EGFLAM: variants seen among roughly 807,000 people sequenced by gnomAD.
EGFLAM encodes pikachurin.
EGFLAM carries 79 observed loss-of-function variants against 113.1 expected under a neutral mutation model. The observed-to-expected ratio is 0.70, with a 90% CI of 0.58 to 0.84. EGFLAM has a LOEUF of 0.84. Ranked by LOEUF, EGFLAM falls within the 40% of genes least tolerant of loss-of-function variation. The pLI, the probability that EGFLAM is intolerant of heterozygous loss-of-function variation, is 0.00. For missense variants in EGFLAM, 1,265 were observed against 1,291.6 expected, an observed-to-expected ratio of 0.98 and a Z score of 0.32; for synonymous variants, 504 against 487.6, an observed-to-expected ratio of 1.03 and a Z score of -0.44.
chr5:38,363,492 T>C (rs1241988312), intron 5 of EGFLAM, among the ~76,000 whole-genome samples: 1 of 152,232 alleles, frequency 6.6e-6, no homozygotes, highest in Non-Finnish European at 1.5e-5. Flanking sequence ...TTAACAATTC[T>C]TGTGACCCTG....
At chr5:38,400,627 G>A (rs2112109847) in intron 6 of EGFLAM, among the ~76,000 whole-genome samples, 1 of 152,296 alleles carries the variant, frequency 6.6e-6, no homozygotes, top group East Asian at 1.9e-4. Flanking sequence ...TGAGGCTTTA[G>A]TTCCAGGTTT....
intron 1 of EGFLAM, among the ~76,000 whole-genome samples, chr5:38,325,810 G>A (rs1177246255): frequency 6.6e-6 from 1 of 151,976 alleles, no homozygotes; most frequent in Non-Finnish European, 1.5e-5. Flanking sequence ...CAGAATGGTT[G>A]TTATCTCTGG....
intron 8 of EGFLAM, 44 bp downstream of exon 8, chr5:38,407,190 C>T (rs1451012466): frequency 1.3e-6 from 2 of 1,591,828 alleles, no homozygotes; most frequent in East Asian, 4.5e-5. Context: ...GAATTGGCAC[C>T]ATTGACAGCC....
rs73075486 is a variant in EGFLAM at position 38,438,476 on chromosome 5, C to G, written c.2464+21C>G. On this transcript the variant is annotated intron_variant, in intron 17 of 21. Coordinates refer to ENST00000322350, the MANE Select transcript of EGFLAM (RefSeq NM_152403.4). ...GAAAGGTACGCTCAGGGGTCTGAGG[C>G]ACAGCTCCCTGGAGGGAGTGGAAGG... 1.4e-3 allele frequency: 2,251 copies of G among 1,573,136 alleles called. 31 individuals are homozygous for G. In the African/African-American group the frequency reaches 0.027, roughly 19 times the overall value.
intron 1 of EGFLAM, among the ~76,000 whole-genome samples, chr5:38,329,445 G>C (rs555037658): frequency 6.6e-6 from 1 of 151,982 alleles, no homozygotes; most frequent in African/African-American, 2.4e-5. Context: ...TGTCTGACTG[G>C]GCCACCTCTC....
chr5:38,274,271 G>T (rs930125360), intron 1 of EGFLAM, among the ~76,000 whole-genome samples: 47 of 152,136 alleles, frequency 3.1e-4, no homozygotes, highest in African/African-American at 1.1e-3. Flanking sequence ...AAACAAAGGG[G>T]TAGAAAGCTT....
At position 38,330,279 on chromosome 5, in the gene EGFLAM, C is replaced by T. The variant is rs183716221; in HGVS notation, c.98-7241C>T. Among the ~76,000 whole-genome samples the T allele has an allele frequency of 1.3e-4, 20 of 152,170 alleles. No homozygotes were observed. In the East Asian group the frequency reaches 1.4e-3, roughly 10 times the overall value. ...TATACTCTTGAGAGACAGGGAAGGC[C>T]GGAGTGAGGTGGAGGCCATTTTCCT... On this transcript the variant is annotated intron_variant, in intron 1 of 21. Transcript: ENST00000322350.
chr5:38,270,033 G>A (rs12653966), intron 1 of EGFLAM, among the ~76,000 whole-genome samples: 9 of 152,176 alleles, frequency 5.9e-5, no homozygotes, highest in South Asian at 2.1e-4. Flanking sequence ...GAGGGACCTA[G>A]TCAAGAAGAC....
In EGFLAM at chr5:38,435,181, C is replaced by T. The variant is rs1163773501; in HGVS notation, c.2211C>T (p.Gly737=). 37 of 1,614,072 alleles carry T rather than the reference C, an allele frequency of 2.3e-5. No individual in the cohort carries two copies. The highest frequency in any genetic ancestry group is 2.7e-5 in the Non-Finnish European group (32 of 1,179,996). The change falls in exon 16 of 22, where the codon GGC becomes GGT. Residue 737 remains glycine (G), a synonymous_variant. Coordinates refer to ENST00000322350, the MANE Select transcript of EGFLAM (RefSeq NM_152403.4). The part of the protein sequence containing the change: ...QIKCNTDIFI[G]GVPNYDDVKK... The stretch of plus-strand genomic sequence containing the variant: ...AGTGCAACACAGACATTTTCATTGG[C>T]GGAGTCCCCAATTATGATGATGTGA...
intron 1 of EGFLAM, among the ~76,000 whole-genome samples, chr5:38,263,054 A>C (rs1483289503): frequency 6.6e-6 from 1 of 152,212 alleles, no homozygotes; most frequent in Admixed American, 6.5e-5. Flanking sequence ...ATGTCATCAC[A>C]GTTTTAGTTT....
chr5:38,333,337 G>A (rs1254454278), intron 1 of EGFLAM, among the ~76,000 whole-genome samples: 11 of 152,124 alleles, frequency 7.2e-5, no homozygotes, highest in African/African-American at 1.7e-4. Context: ...TTGCTGGGTC[G>A]AATGGTACTT....
At chr5:38,334,139 G>T (rs1030350192) in intron 1 of EGFLAM, among the ~76,000 whole-genome samples, 2 of 152,070 alleles carry the variant, frequency 1.3e-5, no homozygotes, top group Non-Finnish European at 2.9e-5. Flanking sequence ...GGCCAGGCTA[G>T]TCTCGAACTC....
chr5:38,301,455 G>T (rs1176639571), intron 1 of EGFLAM, among the ~76,000 whole-genome samples: 1 of 152,150 alleles, frequency 6.6e-6, no homozygotes, highest in Non-Finnish European at 1.5e-5. Flanking sequence ...TGACTGAGGG[G>T]AGTTTAAAGG....
chr5:38,453,193 T>A (rs541876765), intron 19 of EGFLAM, among the ~76,000 whole-genome samples: 66 of 152,354 alleles, frequency 4.3e-4, no homozygotes, highest in Admixed American at 8.5e-4. Context: ...ACGATTCTGA[T>A]ACCCTCAAAG....
chr5:38,336,637 C>CA (rs1393259028), intron 1 of EGFLAM, among the ~76,000 whole-genome samples: 7 of 147,352 alleles, frequency 4.8e-5, no homozygotes, highest in Non-Finnish European at 1.0e-4. Context: ...TTCCCAAATC[C>CA]AAAAATCTGA....
At chr5:38,435,288 C>A (rs751404726) in intron 16 of EGFLAM, 35 bp downstream of exon 16, 29 of 1,462,864 alleles carry the variant, frequency 2.0e-5, no homozygotes, top group Non-Finnish European at 2.7e-5. Flanking sequence ...TACTGGGCCA[C>A]CCAGACTGTA....
At chr5:38,390,264 A>G (rs1213590077) in intron 6 of EGFLAM, among the ~76,000 whole-genome samples, 2 of 152,218 alleles carry the variant, frequency 1.3e-5, no homozygotes, top group Non-Finnish European at 2.9e-5. Flanking sequence ...TATAAATGCT[A>G]TGACATGGCA....
At chr5:38,340,097 A>G (rs1376925200) in intron 3 of EGFLAM, among the ~76,000 whole-genome samples, 2 of 152,158 alleles carry the variant, frequency 1.3e-5, no homozygotes, top group South Asian at 4.1e-4. Context: ...GAGTCTAGAC[A>G]GTGCCTCTGA....
rs754935189 is a variant in EGFLAM, at chr5:38,427,194, T to G, written c.1996T>G (p.Leu666Val). 26 of 1,614,004 alleles carry G rather than the reference T, an allele frequency of 1.6e-5. No homozygotes were observed. Among genetic ancestry groups the G allele is most frequent in the Non-Finnish European group, 2.5e-6 (3 of 1,180,022 alleles). The change falls in exon 14 of 22, where the codon TTG (leucine) becomes GTG (valine). Residue 666 changes from leucine (L) to valine (V), a missense_variant. Leu to Val is a conservative substitution (Grantham distance 32). Coordinates refer to ENST00000322350, the MANE Select transcript of EGFLAM (RefSeq NM_152403.4). ...CAGCAAAGACTTCCTGTCCATCAAC[T>G]TGGCAGGGGGCCACGTGGAGTTCCG... ...TGSKDFLSIN[L>V]AGGHVEFRFD...
Sources: allele counts gnomAD v4.1 joint callset (sites outside exome capture counted in the v4.1 genomes callset), GRCh38; gene constraint gnomAD v4.1.1; transcripts MANE v1.5; gene names NCBI Gene and HGNC (gene_info 2026-07-23, HGNC 2026-07-21).